The following COQ2 variants were observed in gnomAD, a reference collection of about 807,000 sequenced individuals.
COQ2 encodes coenzyme Q2, polyprenyltransferase, also known as 4-hydroxybenzoate polyprenyltransferase, mitochondrial.
COQ2 carries 25 observed loss-of-function variants against 35.7 expected under a neutral mutation model. The ratio of observed to expected loss-of-function variants is 0.70; its 90% CI spans 0.51 to 0.98. The LOEUF (loss-of-function observed/expected upper bound fraction) is 0.98. Ranked by LOEUF, COQ2 falls within the 50% of genes least tolerant of loss-of-function variation. The probability of loss-of-function intolerance (pLI) is 0.00; values close to 1 mark genes in which losing one functional copy is unlikely to be tolerated. For missense variants in COQ2, 488 were observed against 473.5 expected (o/e 1.03, Z -0.28); for synonymous variants, 206 against 186.2 (o/e 1.11, Z -0.86).
Position 83,284,741 on chromosome 4 carries a change from C to A in COQ2, c.24G>T (p.Gly8=), listed in dbSNP as rs1735426246. Residue 8 remains glycine (G), a synonymous_variant, in exon 1 of 7, where the codon GGG becomes GGT. Transcript: ENST00000647002. ...CCACAGCCCGCAGGCCCCGCGCGAA[C>A]CCCGCGGCTCGCGAGCCCAGCATGG... MLGSRAA[G]FARGLRAVAL... 7.9e-6 allele frequency: 12 copies of A among 1,528,500 alleles called. No individual in the cohort carries two copies. The highest frequency in any genetic ancestry group is 8.7e-6 in the Non-Finnish European group (10 of 1,143,956). 94.7% of individuals were successfully genotyped at this position (1,528,500 alleles called of 1,614,324 possible).
chr4:83,264,421 A>T, intron 6 of COQ2, 58 bp from the exon 7 acceptor site: 1 of 1,509,412 alleles, frequency 6.6e-7, no homozygotes, highest in Non-Finnish European at 8.8e-7. Flanking sequence ...GGGTCATAAC[A>T]AATAAACATG....
intron 3 of COQ2, 34 bp downstream of exon 3, chr4:83,273,462 A>AT (rs770513530): frequency 6.3e-7 from 1 of 1,584,898 alleles, no homozygotes; most frequent in Non-Finnish European, 8.6e-7. Context: ...CAAAGGAGAG[A>AT]TTTTATACAT....
intron 2 of COQ2, among the ~76,000 whole-genome samples, chr4:83,274,969 A>G (rs1159017833): frequency 6.6e-6 from 1 of 152,052 alleles, no homozygotes; most frequent in Non-Finnish European, 1.5e-5. Context: ...TTATTATTAC[A>G]ATTATTATAT....
chr4:83,284,049 C>A (rs1477205388), intron 1 of COQ2: 4 of 985,312 alleles, frequency 4.1e-6, no homozygotes, highest in African/African-American at 1.7e-5. Context: ...GTTTCCTCAG[C>A]GTCTTAACTG....
At chr4:83,269,743 G>T (rs1226493855) in intron 5 of COQ2, 117 bp downstream of exon 5, 7 of 921,348 alleles carry the variant, frequency 7.6e-6, no homozygotes, top group South Asian at 4.9e-5. Context: ...CCTTAATTTG[G>T]TTCTTAAAGT....
intron 1 of COQ2, chr4:83,283,275 A>C: frequency 1.0e-6 from 1 of 985,438 alleles, no homozygotes; most frequent in Non-Finnish European, 1.2e-6. Context: ...CTACATCTCC[A>C]TACACTGCAA....
chr4:83,273,751 G>T, intron 2 of COQ2, 134 bp from the exon 3 acceptor site: 1 of 862,282 alleles, frequency 1.2e-6, no homozygotes, highest in Non-Finnish European at 1.8e-6. Context: ...AGTACTGTCA[G>T]AAATCAAAAC....
At position 83,267,821 on chromosome 4, in the gene COQ2, A is replaced by G. The variant is rs1268670575; in HGVS notation, c.763-47T>C. On this transcript the variant is annotated intron_variant, in intron 5 of 6. Transcript: ENST00000647002. ...AACTGTTTTTTGAGATTTAGTTCAC[A>G]CACCATAAAATTCACATTTTGAAGT... 7 of 1,444,124 alleles carry G rather than the reference A, an allele frequency of 4.8e-6. No homozygotes were observed. In the South Asian group the frequency reaches 9.2e-5, roughly 19 times the overall value. 89.5% of individuals were successfully genotyped at this position (1,444,124 alleles called of 1,614,324 possible).
At chr4:83,267,240 G>C (rs1248216472) in intron 6 of COQ2, 1 of 453,752 alleles carries the variant, frequency 2.2e-6, no homozygotes. Context: ...AGCCAGGCAT[G>C]GTGGTGCATG....
Position 83,284,725 on chromosome 4 carries a change from G to A in COQ2, c.40C>T (p.Arg14Trp), listed in dbSNP as rs1413879588. The A allele has an allele frequency of 2.0e-6, 3 of 1,514,256 alleles. No homozygotes were observed. The highest frequency in any genetic ancestry group is 2.6e-6 in the Non-Finnish European group (3 of 1,136,714). The allele number at this position is 1,514,256 out of a possible 1,614,324, so 93.8% of individuals were successfully genotyped here. ...GGCAGCCACGCCAGTGCCACAGCCCGCAGGCCCCGCGCGAACCCCGCGGCT... is the reference window on the plus strand; with the variant it reads ...GGCAGCCACGCCAGTGCCACAGCCCACAGGCCCCGCGCGAACCCCGCGGCT... ...SRAAGFARGL[R>W]AVALAWLPGW... Residue 14 changes from arginine (R) to tryptophan (W), a missense_variant, in exon 1 of 7, where the codon CGG becomes TGG. Coordinates refer to ENST00000647002, the MANE Select transcript of COQ2 (RefSeq NM_001358921.2).
At chr4:83,273,683 T>C in intron 2 of COQ2, 66 bp from the exon 3 acceptor site, 1 of 1,499,378 alleles carries the variant, frequency 6.7e-7, no homozygotes, top group East Asian at 2.3e-5. Context: ...AAACATTTAA[T>C]GAAGAGACTG....
Position 83,264,132 on chromosome 4 carries a change from T to G in COQ2, c.*67A>C. On this transcript the variant is annotated 3_prime_UTR_variant, in exon 7 of 7. Transcript: ENST00000647002. ...TAATTCTTTAACATATTGTATCAGATTTTGTATTCAAATCTAATTATATTT... is the reference window on the plus strand; with the variant it reads ...TAATTCTTTAACATATTGTATCAGAGTTTGTATTCAAATCTAATTATATTT... The G allele has an allele frequency of 1.2e-6, 1 of 853,136 alleles. No individual in the cohort carries two copies. Among genetic ancestry groups the G allele is most frequent in the Non-Finnish European group, 1.8e-6 (1 of 565,514 alleles). The allele number at this position is 853,136 out of a possible 1,614,324, so 52.8% of individuals were successfully genotyped here.
At chr4:83,266,370 T>C (rs1161428397) in intron 6 of COQ2, among the ~76,000 whole-genome samples, 1 of 152,006 alleles carries the variant, frequency 6.6e-6, no homozygotes, top group Non-Finnish European at 1.5e-5. Flanking sequence ...TTTTTGTTTT[T>C]TTTTTGAGAT....
rs863223936 is a variant in COQ2, at chr4:83,284,632, GC to G, written c.132del (p.Gln44HisfsTer78). ...AAGAPHGGDLQPPACPEPRGR... is the reference protein window; with the variant it reads ...AAGAPHGGDLXPPACPEPRGR... ...CCGCGCGGCTCGGGACAGGCGGGGG[GC>G]TGCAAGTCACCACCGTGGGGCGCGC... On this transcript the variant is annotated frameshift_variant, in exon 1 of 7. Coordinates refer to ENST00000647002, the MANE Select transcript of COQ2 (RefSeq NM_001358921.2). LOFTEE classifies it high-confidence loss of function. The G allele has an allele frequency of 6.6e-7, 1 of 1,509,242 alleles. No individual in the cohort carries two copies. Among genetic ancestry groups the G allele is most frequent in the Non-Finnish European group, 8.8e-7 (1 of 1,130,938 alleles). The allele number at this position is 1,509,242 out of a possible 1,614,324, so 93.5% of individuals were successfully genotyped here. A position where few individuals can be genotyped will look rare whatever the true frequency, so the allele number is the denominator to read the frequency against.
chr4:83,275,462 T>C (rs1418252279), intron 2 of COQ2, among the ~76,000 whole-genome samples: 1 of 151,984 alleles, frequency 6.6e-6, no homozygotes, highest in Non-Finnish European at 1.5e-5. Context: ...CTGTGCCCAA[T>C]GACATTTCCA....
In COQ2 at chr4:83,266,851, C is replaced by T. The variant is rs77912069; in HGVS notation, c.951+735G>A. On this transcript the variant is annotated intron_variant, in intron 6 of 6. Transcript: ENST00000647002. ...TTCCGCATTTCATGTCTTATCTGTC[C>T]TTGGTCTTTATGCCAGCAGAAACCA... The T allele has an allele frequency of 2.5e-5, 6 of 244,178 alleles. No individual in the cohort carries two copies. The East Asian group carries it at 8.8e-4, about 36-fold the overall frequency. 15.1% of individuals were successfully genotyped at this position (244,178 alleles called of 1,614,324 possible).
intron 2 of COQ2, among the ~76,000 whole-genome samples, chr4:83,274,752 C>G (rs1200927655): frequency 2.6e-5 from 4 of 152,086 alleles, no homozygotes; most frequent in Admixed American, 1.3e-4. Flanking sequence ...GCCAATATTT[C>G]TTCAATCATT....
At chr4:83,273,408 C>A in intron 3 of COQ2, 88 bp downstream of exon 3, 1 of 1,388,108 alleles carries the variant, frequency 7.2e-7, no homozygotes, top group East Asian at 2.4e-5. Context: ...AAATGAACAA[C>A]TTTGTGATAA....
chr4:83,265,964 C>T (rs573858644), intron 6 of COQ2, among the ~76,000 whole-genome samples: 9 of 152,096 alleles, frequency 5.9e-5, no homozygotes, highest in Non-Finnish European at 1.2e-4. Context: ...TGCGCCTGGC[C>T]GAATATTCCT....
Sources: gnomAD v4.1 joint callset for allele counts (sites outside exome capture counted in the v4.1 genomes callset) on GRCh38, gnomAD v4.1.1 for gene constraint, MANE v1.5 for transcripts, NCBI Gene and HGNC (gene_info 2026-07-23, HGNC 2026-07-21) for gene names.